The following LRMDA variants were observed in gnomAD, a reference collection of about 807,000 sequenced individuals.
LRMDA encodes the protein leucine-rich melanocyte differentiation-associated protein.
LRMDA carries 18 observed loss-of-function variants against 29.8 expected under a neutral mutation model. The ratio of observed to expected loss-of-function variants is 0.60; its 90% CI spans 0.42 to 0.90. LRMDA has a LOEUF of 0.90. Ranked by LOEUF, LRMDA falls within the 40% of genes least tolerant of loss-of-function variation. The probability of loss-of-function intolerance (pLI) is 0.00; values close to 1 mark genes in which losing one functional copy is unlikely to be tolerated. For missense variants in LRMDA, 273 were observed against 273.9 expected (o/e 1.00, Z 0.02); for synonymous variants, 125 against 109.4 (o/e 1.14, Z -0.89).
chr10:75,786,746 C>A (rs1343602358), intron 2 of LRMDA, among the ~76,000 whole-genome samples: 1 of 152,088 alleles, frequency 6.6e-6, no homozygotes, highest in South Asian at 2.1e-4. Context: ...TGATGGTTCT[C>A]TAGATATTTT....
chr10:76,013,219 A>C (rs1475446113), intron 2 of LRMDA, among the ~76,000 whole-genome samples: 1 of 152,114 alleles, frequency 6.6e-6, no homozygotes, highest in East Asian at 1.9e-4. Flanking sequence ...ATGGCTGCCC[A>C]GGTGGCGCTG....
intron 2 of LRMDA, among the ~76,000 whole-genome samples, chr10:75,625,946 G>C (rs1841244522): frequency 6.6e-6 from 1 of 151,970 alleles, no homozygotes; most frequent in Non-Finnish European, 1.5e-5. Context: ...TGACCTCCTG[G>C]GCTCAAGTGA....
At chr10:76,101,300 T>G (rs1464302083) in intron 5 of LRMDA, among the ~76,000 whole-genome samples, 2 of 152,262 alleles carry the variant, frequency 1.3e-5, no homozygotes, top group African/African-American at 4.8e-5. Flanking sequence ...CTTGGTCTTA[T>G]TAGGTCCTTG....
chr10:75,560,803 TG>T (rs1482930746), intron 2 of LRMDA, among the ~76,000 whole-genome samples: 2 of 152,170 alleles, frequency 1.3e-5, no homozygotes. Flanking sequence ...ATGTGGTTTT[TG>T]TCTTTGATTC....
intron 5 of LRMDA, among the ~76,000 whole-genome samples, chr10:76,296,961 G>A (rs893761225): frequency 3.9e-5 from 6 of 152,318 alleles, no homozygotes; most frequent in South Asian, 4.1e-4. Context: ...AAGAAGTGGC[G>A]TGAGATGCTG....
intron 2 of LRMDA, among the ~76,000 whole-genome samples, chr10:75,552,069 A>G (rs1178366179): frequency 6.6e-6 from 1 of 152,134 alleles, no homozygotes; most frequent in African/African-American, 2.4e-5. Context: ...CGTGTCTCTA[A>G]AAAATAAAAG....
intron 2 of LRMDA, among the ~76,000 whole-genome samples, chr10:75,797,721 A>G (rs2132258004): frequency 6.6e-6 from 1 of 152,336 alleles, no homozygotes; most frequent in East Asian, 1.9e-4. Context: ...ATGTATCAGT[A>G]TTCTGTTCGC....
At chr10:76,414,835 A>T (rs545234920) in intron 6 of LRMDA, among the ~76,000 whole-genome samples, 3 of 152,240 alleles carry the variant, frequency 2.0e-5, no homozygotes, top group Non-Finnish European at 4.4e-5. Flanking sequence ...ACCAGCCTAG[A>T]TAAGAACCAG....
chr10:76,127,413 C>T (rs79480765), intron 5 of LRMDA, among the ~76,000 whole-genome samples: 1,860 of 152,316 alleles, frequency 0.012, 43 homozygotes, highest in African/African-American at 0.042. Context: ...CATCACCCTA[C>T]AGATGCATGG....
chr10:75,776,156 G>A (rs1843309389), intron 2 of LRMDA, among the ~76,000 whole-genome samples: 1 of 152,188 alleles, frequency 6.6e-6, no homozygotes, highest in Non-Finnish European at 1.5e-5. Flanking sequence ...CATTCATTCA[G>A]TGCCACTTAG....
chr10:75,441,944 T>C (rs1177279932), intron 2 of LRMDA, among the ~76,000 whole-genome samples: 1 of 152,234 alleles, frequency 6.6e-6, no homozygotes, highest in Admixed American at 6.5e-5. Context: ...ATATAGCTAA[T>C]ACAGGCACAT....
chr10:76,453,362 AG>A (rs1343947684), intron 6 of LRMDA, among the ~76,000 whole-genome samples: 1 of 152,200 alleles, frequency 6.6e-6, no homozygotes, highest in African/African-American at 2.4e-5. Flanking sequence ...CTCATGGCAA[AG>A]TGTATATGAA....
At chr10:76,014,186 ATGCC>A in intron 2 of LRMDA, among the ~76,000 whole-genome samples, 2 of 145,490 alleles carry the variant, frequency 1.4e-5, no homozygotes, top group Non-Finnish European at 3.0e-5. Flanking sequence ...TAACATTGTT[ATGCC>A]TATTCATTTA....
intron 5 of LRMDA, among the ~76,000 whole-genome samples, chr10:76,153,710 T>C (rs1315448846): frequency 6.6e-6 from 1 of 152,230 alleles, no homozygotes; most frequent in Non-Finnish European, 1.5e-5. Flanking sequence ...TACTAGCCTC[T>C]TCACTGGAAT....
intron 6 of LRMDA, among the ~76,000 whole-genome samples, chr10:76,371,885 T>C (rs1483455007): frequency 6.6e-6 from 1 of 152,154 alleles, no homozygotes; most frequent in Non-Finnish European, 1.5e-5. Flanking sequence ...GTCCTCTTTT[T>C]TGTGGGTGAT....
chr10:76,032,346 C>T (rs749869655), intron 2 of LRMDA, among the ~76,000 whole-genome samples: 1 of 152,212 alleles, frequency 6.6e-6, no homozygotes, highest in Non-Finnish European at 1.5e-5. Flanking sequence ...GCCTGTTCGG[C>T]GCTGCTGTTT....
At chr10:76,109,449 C>A (rs1461546299) in intron 5 of LRMDA, among the ~76,000 whole-genome samples, 1 of 152,210 alleles carries the variant, frequency 6.6e-6, no homozygotes, top group Non-Finnish European at 1.5e-5. Flanking sequence ...GAAACAGAGT[C>A]ATTTTTTCCT....
intron 6 of LRMDA, among the ~76,000 whole-genome samples, chr10:76,327,926 A>G (rs556030764): frequency 6.6e-6 from 1 of 152,336 alleles, no homozygotes; most frequent in Non-Finnish European, 1.5e-5. Flanking sequence ...GTTTTCAAGC[A>G]TTGGCGGTTT....
intron 2 of LRMDA, among the ~76,000 whole-genome samples, chr10:75,579,075 C>A (rs1840550497): frequency 6.6e-6 from 1 of 152,030 alleles, no homozygotes; most frequent in Non-Finnish European, 1.5e-5. Context: ...CAGAGCAGAG[C>A]AGAACTGAAG....
Sources: gnomAD v4.1 joint callset for allele counts (sites outside exome capture counted in the v4.1 genomes callset) on GRCh38, gnomAD v4.1.1 for gene constraint, MANE v1.5 for transcripts, NCBI Gene and HGNC (gene_info 2026-07-23, HGNC 2026-07-21) for gene names.